Variants in FRMD4A observed in about 807,000 individuals in gnomAD.
FRMD4A encodes FERM domain containing 4A.
In FRMD4A, 29 loss-of-function variants were observed where a neutral mutation model predicts 129.1. The observed-to-expected ratio is 0.22, with a 90% CI of 0.17 to 0.31. FRMD4A has a LOEUF of 0.31. Among genes scored for constraint, FRMD4A ranks in the 10% least tolerant of loss-of-function variants. FRMD4A has a pLI of 1.00. For missense variants in FRMD4A, 1,272 were observed against 1,375.8 expected (o/e 0.92, Z 1.19); for synonymous variants, 634 against 571.6 (o/e 1.11, Z -1.56).
chr10:13,796,681 C>T (rs553305834), intron 4 of FRMD4A, 93 bp from the exon 5 acceptor site: 15 of 682,620 alleles, frequency 2.2e-5, no homozygotes, highest in African/African-American at 7.2e-5. Context: ...CGTGCTGGAT[C>T]GTAGATAAAT....
At chr10:13,824,762 G>T (rs1015002684) in intron 3 of FRMD4A, among the ~76,000 whole-genome samples, 1 of 151,848 alleles carries the variant, frequency 6.6e-6, no homozygotes. Flanking sequence ...GGGCCTGGTG[G>T]TGCATGCCTG....
chr10:14,174,773 T>C (rs1335716914), intron 2 of FRMD4A, among the ~76,000 whole-genome samples: 1 of 152,186 alleles, frequency 6.6e-6, no homozygotes, highest in East Asian at 1.9e-4. Flanking sequence ...TGGCCAGATG[T>C]TTAGAGGCAC....
chr10:14,006,653 TC>T (rs2095663291), intron 2 of FRMD4A, among the ~76,000 whole-genome samples: 1 of 152,190 alleles, frequency 6.6e-6, no homozygotes, highest in South Asian at 2.1e-4. Flanking sequence ...AATTCACACT[TC>T]CATGTTAGCA....
chr10:14,130,233 T>C (rs1839169646), intron 2 of FRMD4A, among the ~76,000 whole-genome samples: 3 of 152,086 alleles, frequency 2.0e-5, no homozygotes, highest in Admixed American at 2.0e-4. Context: ...TAAATATTCT[T>C]TTTAAATTTT....
chr10:14,289,398 A>C (rs1398510984), intron 2 of FRMD4A, among the ~76,000 whole-genome samples: 4 of 152,148 alleles, frequency 2.6e-5, no homozygotes, highest in Non-Finnish European at 5.9e-5. Context: ...ACATTTTCAT[A>C]TGCCTGTTGG....
chr10:13,943,966 C>A (rs1279078096), intron 2 of FRMD4A, among the ~76,000 whole-genome samples: 5 of 152,070 alleles, frequency 3.3e-5, no homozygotes, highest in Non-Finnish European at 7.4e-5. Context: ...ATAACTCCGG[C>A]CATCAGTAAG....
chr10:13,765,296 TAGTAG>T (rs1296133598), intron 6 of FRMD4A, among the ~76,000 whole-genome samples: 1 of 151,898 alleles, frequency 6.6e-6, no homozygotes, highest in Non-Finnish European at 1.5e-5. Context: ...TTTGCATTTT[TAGTAG>T]AGATGGGATT....
chr10:13,981,922 T>G (rs1209901592), intron 2 of FRMD4A, among the ~76,000 whole-genome samples: 1 of 152,066 alleles, frequency 6.6e-6, no homozygotes, highest in Non-Finnish European at 1.5e-5. Context: ...GAGGCCAGGT[T>G]ACCTGCCGGA....
chr10:14,282,628 G>A (rs1845558637), intron 2 of FRMD4A, among the ~76,000 whole-genome samples: 1 of 108 alleles, frequency 9.3e-3, no homozygotes, highest in African/African-American at 0.042. Context: ...AAAAAGTGTG[G>A]GGGACCCTTC....
intron 2 of FRMD4A, among the ~76,000 whole-genome samples, chr10:14,115,025 G>A (rs546181764): frequency 2.6e-5 from 4 of 152,196 alleles, no homozygotes; most frequent in Admixed American, 2.0e-4. Flanking sequence ...CTGCCTACCT[G>A]CTACCCATAC....
intron 2 of FRMD4A, among the ~76,000 whole-genome samples, chr10:14,080,697 G>A (rs1050154691): frequency 1.3e-5 from 2 of 151,966 alleles, no homozygotes; most frequent in African/African-American, 2.4e-5. Context: ...TGAAGACTGC[G>A]AGGGAGGATA....
chr10:14,076,344 T>TA (rs1350831853), intron 2 of FRMD4A, among the ~76,000 whole-genome samples: 4 of 152,290 alleles, frequency 2.6e-5, no homozygotes, highest in South Asian at 2.1e-4. Context: ...AGATCCACAT[T>TA]AAAATGTGGA....
At chr10:14,094,233 C>T (rs1836816951) in intron 2 of FRMD4A, among the ~76,000 whole-genome samples, 1 of 152,200 alleles carries the variant, frequency 6.6e-6, no homozygotes, top group Non-Finnish European at 1.5e-5. Context: ...TGCCAGACGA[C>T]ATGGCGCGTT....
chr10:13,695,784 G>A (rs1356081647), intron 14 of FRMD4A, among the ~76,000 whole-genome samples: 2 of 152,194 alleles, frequency 1.3e-5, no homozygotes, highest in African/African-American at 4.8e-5. Context: ...TGAAGGCCAT[G>A]GAGGGGTGTG....
chr10:13,833,936 T>C (rs2093830935), intron 3 of FRMD4A, among the ~76,000 whole-genome samples: 1 of 151,996 alleles, frequency 6.6e-6, no homozygotes. Context: ...CATGTCCTCC[T>C]CCTTGGGAAT....
rs138936606 is a variant in FRMD4A at position 13,780,569 on chromosome 10, T to C, written c.384+2353A>G. Among the ~76,000 whole-genome samples, 455 of 152,296 alleles carry C rather than the reference T, an allele frequency of 3.0e-3. 3 individuals carry two copies. The highest frequency in any genetic ancestry group is 0.01 in the African/African-American group (436 of 41,554). On this transcript the variant is annotated intron_variant, in intron 6 of 24. Coordinates refer to ENST00000357447, the MANE Select transcript of FRMD4A (RefSeq NM_018027.5). ...GAAGATACACAAATGGCCAACAGCA[T>C]GCGGACATATGCTCAACATCACTAG...
intron 2 of FRMD4A, among the ~76,000 whole-genome samples, chr10:14,207,384 A>G (rs574101558): frequency 8.5e-5 from 13 of 152,260 alleles, no homozygotes; most frequent in African/African-American, 2.9e-4. Flanking sequence ...ACATTGTAAT[A>G]TATAATTAAA....
At chr10:14,149,233 G>A (rs2131852558) in intron 2 of FRMD4A, among the ~76,000 whole-genome samples, 1 of 152,272 alleles carries the variant, frequency 6.6e-6, no homozygotes, top group Non-Finnish European at 1.5e-5. Context: ...GCAACCATAT[G>A]TCTCCTTTAA....
chr10:14,123,838 C>T lies in FRMD4A; in HGVS notation c.45+206220G>A, dbSNP rs541079421. Among the ~76,000 whole-genome samples the T allele has an allele frequency of 5.3e-5, 8 of 152,256 alleles. No individual in the cohort carries two copies. The East Asian group carries it at 9.7e-4, about 18-fold the overall frequency. Reference sequence around the variant, plus strand: ...CCAGCGGGCTCCGTGGTCACTTAAGCTTGCTTGTATCTATCTAAATGGAGT... The same window carrying T: ...CCAGCGGGCTCCGTGGTCACTTAAGTTTGCTTGTATCTATCTAAATGGAGT... On this transcript the variant is annotated intron_variant, in intron 2 of 24. Coordinates refer to ENST00000357447, the MANE Select transcript of FRMD4A (RefSeq NM_018027.5).
Sources: gnomAD v4.1 joint callset for allele counts (sites outside exome capture counted in the v4.1 genomes callset) on GRCh38, gnomAD v4.1.1 for gene constraint, MANE v1.5 for transcripts, NCBI Gene and HGNC (gene_info 2026-07-23, HGNC 2026-07-21) for gene names.